IL4I1: variants seen among roughly 807,000 people sequenced by gnomAD.
The protein encoded by IL4I1 is interleukin 4 induced 1.
In IL4I1, 24 loss-of-function variants were observed where a neutral mutation model predicts 29.7. That is an observed-to-expected ratio of 0.81 (90% confidence interval 0.59 to 1.14). IL4I1 has a LOEUF of 1.14. Ranked by LOEUF, IL4I1 falls within the 50% of genes most tolerant of loss-of-function variation. The probability of loss-of-function intolerance (pLI) is 0.00; values close to 1 mark genes in which losing one functional copy is unlikely to be tolerated. For synonymous variants in IL4I1, 371 were observed against 352.5 expected, an observed-to-expected ratio of 1.05 and a Z score of -0.59; for missense variants, 686 against 785.6, an observed-to-expected ratio of 0.87 and a Z score of 1.52.
intron 2 of IL4I1, among the ~76,000 whole-genome samples, chr19:49,920,688 G>A (rs1169264875): frequency 1.3e-5 from 2 of 152,214 alleles, no homozygotes; most frequent in African/African-American, 4.8e-5. Context: ...CCTTGGGGTG[G>A]CCGGTAATGC....
Position 49,909,372 on chromosome 19 carries a change from T to A in IL4I1, c.-227-5051A>T, listed in dbSNP as rs1333308401. 5.0e-6 allele frequency: 8 copies of A among 1,612,928 alleles called. No individual in the cohort carries two copies. Among genetic ancestry groups the A allele is most frequent in the Non-Finnish European group, 6.8e-6 (8 of 1,179,858 alleles). The stretch of plus-strand genomic sequence containing the variant: ...GTGGTAGCTGGAGCCACAGAGGTGG[T>A]GGAGGGGCCAAACACAAAGCCGGTG... On this transcript the variant is annotated intron_variant, in intron 2 of 9. Transcript: ENST00000341114.
At chr19:49,899,366 T>G (rs1195538115), upstream of IL4I1, among the ~76,000 whole-genome samples, 1 of 152,056 alleles carries the variant, frequency 6.6e-6, no homozygotes, top group Non-Finnish European at 1.5e-5. Flanking sequence ...GCAGCTCACC[T>G]TGGGGGACTT....
chr19:49,905,684 C>T (rs1472380334), intron 2 of IL4I1, among the ~76,000 whole-genome samples: 1 of 152,072 alleles, frequency 6.6e-6, no homozygotes, highest in Non-Finnish European at 1.5e-5. Flanking sequence ...GCAACCTCCA[C>T]CTCTCGGGTT....
intron 1 of IL4I1, 90 bp from the exon 2 acceptor site, chr19:49,896,272 GAGCCGGCCCTCCCCC>G: frequency 7.1e-7 from 1 of 1,413,286 alleles, no homozygotes; most frequent in Non-Finnish European, 9.4e-7. Flanking sequence ...CCAGCTGCTA[GAGCCGGCCCTCCCCC>G]AGTCACTGTC....
intron 2 of IL4I1, among the ~76,000 whole-genome samples, chr19:49,911,705 C>T (rs952617983): frequency 3.3e-5 from 5 of 152,206 alleles, no homozygotes; most frequent in Admixed American, 2.0e-4. Context: ...TCTCAATGGG[C>T]GTCCATCACT....
chr19:49,923,233 C>T (rs2075806623), intron 2 of IL4I1, among the ~76,000 whole-genome samples: 1 of 152,240 alleles, frequency 6.6e-6, no homozygotes, highest in Non-Finnish European at 1.5e-5. Flanking sequence ...CCTTGGCCTA[C>T]CTGCCCTTGT....
At chr19:49,890,625 G>C in intron 7 of IL4I1, 25 bp from the exon 8 acceptor site, 25 of 1,481,040 alleles carry the variant, frequency 1.7e-5, no homozygotes, top group Non-Finnish European at 2.2e-5. Context: ...GGGCGGGGTG[G>C]GGGCGTGACC....
At chr19:49,896,960 C>G (rs147055012), upstream of IL4I1, 1 of 883,760 alleles carries the variant, frequency 1.1e-6, no homozygotes, top group Non-Finnish European at 1.4e-6. Flanking sequence ...GGAAACTGGC[C>G]GAGGGAAATG....
intron 2 of IL4I1, chr19:49,907,263 C>G (rs2075342094): frequency 3.4e-6 from 1 of 293,702 alleles, no homozygotes; most frequent in Non-Finnish European, 6.6e-6. Flanking sequence ...AGAAGGCCAC[C>G]TGAGCTTCGG....
intron 2 of IL4I1, among the ~76,000 whole-genome samples, chr19:49,916,539 C>T (rs1169764292): frequency 6.6e-6 from 1 of 151,584 alleles, no homozygotes; most frequent in Non-Finnish European, 1.5e-5. Flanking sequence ...TTTGGAAGGC[C>T]GAGGCGGGCG....
At chr19:49,923,744 C>A (rs910393081) in intron 2 of IL4I1, among the ~76,000 whole-genome samples, 1 of 152,232 alleles carries the variant, frequency 6.6e-6, no homozygotes, top group Non-Finnish European at 1.5e-5. Flanking sequence ...CCCCATTTTA[C>A]GGAGGGGAAA....
Position 49,894,991 on chromosome 19 carries a change from G to GGGCCCA in IL4I1, c.365+71_365+76dup, listed in dbSNP as rs1367348500. 10 of 1,082,112 alleles carry GGGCCCA rather than the reference G, an allele frequency of 9.2e-6. No homozygotes were observed. In the East Asian group the frequency reaches 2.4e-4, roughly 26 times the overall value. The allele number at this position is 1,082,112 out of a possible 1,614,324, so 67.0% of individuals were successfully genotyped here. On this transcript the variant is annotated intron_variant, in intron 4 of 7. Transcript: ENST00000391826. ...GGTTTGGGAGTCAGAGTGGAAGTTCGGGCCCACTCTGGTGTGGGCATGGAG... is the reference window on the plus strand; with the variant it reads ...GGTTTGGGAGTCAGAGTGGAAGTTCGGGCCCAGGCCCACTCTGGTGTGGGCATGGAG...
At chr19:49,909,018 C>G (rs1330574039) in intron 2 of IL4I1, 1 of 1,612,614 alleles carries the variant, frequency 6.2e-7, no homozygotes, top group Non-Finnish European at 8.5e-7. Flanking sequence ...GTGCCGGAAG[C>G]TGCTCCAGGT....
At chr19:49,895,743 G>A (rs2075199134) in intron 3 of IL4I1, 72 bp downstream of exon 3, 14 of 880,160 alleles carry the variant, frequency 1.6e-5, no homozygotes, top group Non-Finnish European at 1.9e-5. Context: ...GAACGCGGCC[G>A]TGTCCCTGTG....
intron 1 of IL4I1, chr19:49,929,069 G>A (rs1207424205): frequency 6.6e-6 from 1 of 152,268 alleles, no homozygotes; most frequent in Non-Finnish European, 1.5e-5. Flanking sequence ...GAAAGGCTCG[G>A]ATCCCCTGAT....
In IL4I1 at chr19:49,912,543, C is replaced by T. The variant is rs116586486; in HGVS notation, c.-227-8222G>A. 5.1e-3 allele frequency among the ~76,000 whole-genome samples: 774 copies of T among 152,196 alleles called. 10 individuals carry two copies. Among genetic ancestry groups the T allele is most frequent in the African/African-American group, 0.018 (739 of 41,526 alleles). ...CCAGGGATCTATTCACAATGGTGAACCCATACTGATCCAGCCCTGATCCAC... is the reference window on the plus strand; with the variant it reads ...CCAGGGATCTATTCACAATGGTGAATCCATACTGATCCAGCCCTGATCCAC... On this transcript the variant is annotated intron_variant, in intron 2 of 9. Transcript: ENST00000341114.
intron 1 of IL4I1, chr19:49,928,810 G>C (rs2075979818): frequency 6.6e-6 from 1 of 152,332 alleles, no homozygotes; most frequent in East Asian, 1.9e-4. Flanking sequence ...AATTCTGCAA[G>C]CAAGGAAAGG....
intron 2 of IL4I1, among the ~76,000 whole-genome samples, chr19:49,910,141 C>T (rs566020410): frequency 2.8e-4 from 43 of 152,138 alleles, no homozygotes; most frequent in Middle Eastern, 3.4e-3. Context: ...CTGTGGAGGA[C>T]GAGGCGGGAG....
chr19:49,891,014 C>A lies in IL4I1; in HGVS notation c.730G>T (p.Ala244Ser), dbSNP rs765266190. 50 of 1,592,592 alleles carry A rather than the reference C, an allele frequency of 3.1e-5. No homozygotes were observed. The Middle Eastern group carries it at 6.7e-4, about 21-fold the overall frequency. ...SEDGFFYLSF[A>S]EALRAHSCLS... The stretch of plus-strand genomic sequence containing the variant: ...CAGCTGTGGGCCCGGAGGGCCTCGG[C>A]GAAGCTGAGATAGAAGAAGCCATCC... Residue 244 changes from alanine to serine, a missense_variant, in exon 7 of 8, where the codon GCC becomes TCC. Ala to Ser is a moderately conservative substitution (Grantham distance 99). Coordinates refer to ENST00000391826, the MANE Select transcript of IL4I1 (RefSeq NM_152899.2).
Sources: gnomAD v4.1 joint callset for allele counts (sites outside exome capture counted in the v4.1 genomes callset) on GRCh38, gnomAD v4.1.1 for gene constraint, MANE v1.5 for transcripts, NCBI Gene and HGNC (gene_info 2026-07-23, HGNC 2026-07-21) for gene names.